The following LIPA variants were observed in gnomAD, a reference collection of about 807,000 sequenced individuals.
LIPA encodes the protein lipase A, lysosomal acid type.
In LIPA, 26 loss-of-function variants were observed where a neutral mutation model predicts 40.6. The ratio of observed to expected loss-of-function variants is 0.64; its 90% CI spans 0.47 to 0.89. LIPA has a LOEUF of 0.89. Among genes scored for constraint, LIPA ranks in the 40% least tolerant of loss-of-function variants. LIPA has a pLI of 0.00. For synonymous variants in LIPA, 188 were observed against 168.4 expected, an observed-to-expected ratio of 1.12 and a Z score of -0.90; for missense variants, 455 against 479.6, an observed-to-expected ratio of 0.95 and a Z score of 0.48.
intron 2 of LIPA, 36 bp downstream of exon 2, chr10:89,247,502 A>T: frequency 8.0e-7 from 1 of 1,243,984 alleles, no homozygotes. Flanking sequence ...GGGGAAATAG[A>T]TGCATTTTAA....
chr10:89,353,809 C>T (rs904116432), intron 2 of LIPA, among the ~76,000 whole-genome samples: 9 of 152,016 alleles, frequency 5.9e-5, no homozygotes, highest in South Asian at 2.1e-4. Flanking sequence ...GGTGTGGCAG[C>T]GTGCACCTGT....
chr10:89,227,498 G>A (rs914816144), intron 4 of LIPA, among the ~76,000 whole-genome samples: 1 of 152,204 alleles, frequency 6.6e-6, no homozygotes, highest in Non-Finnish European at 1.5e-5. Flanking sequence ...CCTTAGAGGT[G>A]CCTCTGGTTT....
intron 1 of LIPA, among the ~76,000 whole-genome samples, chr10:89,317,192 G>C (rs78498954): frequency 4.6e-5 from 7 of 152,242 alleles, no homozygotes; most frequent in Non-Finnish European, 7.3e-5. Flanking sequence ...GCCAGCAATG[G>C]AACAAAGCTG....
intron 2 of LIPA, among the ~76,000 whole-genome samples, chr10:89,366,567 T>A (rs1014593399): frequency 6.6e-6 from 1 of 152,122 alleles, no homozygotes; most frequent in African/African-American, 2.4e-5. Flanking sequence ...AACAGACACA[T>A]GAAAAAATGC....
At chr10:89,306,435 G>A (rs1169308431) in intron 1 of LIPA, 7 of 1,614,134 alleles carry the variant, frequency 4.3e-6, no homozygotes, top group Non-Finnish European at 4.2e-6. Context: ...GCGAAGGTGT[G>A]CTTTGAGAAG....
intron 1 of LIPA, among the ~76,000 whole-genome samples, chr10:89,286,677 C>T (rs1235534048): frequency 2.6e-5 from 4 of 152,120 alleles, no homozygotes; most frequent in South Asian, 2.1e-4. Context: ...GTCAAAAGGC[C>T]GTCTTATTCT....
At chr10:89,312,360 G>A (rs1843521185) in intron 1 of LIPA, among the ~76,000 whole-genome samples, 1 of 152,104 alleles carries the variant, frequency 6.6e-6, no homozygotes, top group Non-Finnish European at 1.5e-5. Flanking sequence ...AGGAACACTT[G>A]AGCCCAGGAG....
chr10:89,372,271 C>G (rs12220755), intron 2 of LIPA, among the ~76,000 whole-genome samples: 5 of 152,216 alleles, frequency 3.3e-5, no homozygotes, highest in African/African-American at 1.2e-4. Flanking sequence ...TCATTGCACA[C>G]TGCAAGAGTA....
chr10:89,227,667 A>AG (rs1842787238), intron 4 of LIPA, among the ~76,000 whole-genome samples: 1 of 152,218 alleles, frequency 6.6e-6, no homozygotes, highest in South Asian at 2.1e-4. Context: ...AGTTCATACA[A>AG]GGTGCCAGGT....
chr10:89,233,990 C>G lies in LIPA; in HGVS notation c.230-5592G>C, dbSNP rs114494355. On this transcript the variant is annotated intron_variant, in intron 3 of 9. Transcript: ENST00000336233. ...TCCCTCCCACAGGGAGCTCCATCCTCGAGGGAGTCAGACACACGATGACTG... is the reference window on the plus strand; with the variant it reads ...TCCCTCCCACAGGGAGCTCCATCCTGGAGGGAGTCAGACACACGATGACTG... Among the ~76,000 whole-genome samples, 503 of 152,278 alleles carry G rather than the reference C, an allele frequency of 3.3e-3. 3 individuals are homozygous for G. The highest frequency in any genetic ancestry group is 0.012 in the African/African-American group (488 of 41,540).
Position 89,308,324 on chromosome 10 carries a change from T to A in LIPA, c.-2+34287A>T, listed in dbSNP as rs1442544167. ...ATTTTAGCCACTATTAGGAATTTTT[T>A]TTTTTTGTAAAATGAAGACTGAACT... On this transcript the variant is annotated intron_variant, in intron 1 of 5. Coordinates refer to the LIPA transcript ENST00000282673. 3 of 152,212 alleles carry A rather than the reference T, an allele frequency of 2.0e-5. No homozygotes were observed. In the South Asian group the frequency reaches 6.2e-4, roughly 32 times the overall value. The allele number at this position is 152,212 out of a possible 1,614,324, so 9.4% of individuals were successfully genotyped here.
chr10:89,285,307 A>G (rs1214829790), intron 1 of LIPA: 2 of 152,240 alleles, frequency 1.3e-5, no homozygotes, highest in African/African-American at 4.8e-5. Context: ...CTCTCTCACT[A>G]TCCCTCAACC....
chr10:89,319,544 A>G (rs1044418581), intron 1 of LIPA, among the ~76,000 whole-genome samples: 1 of 152,236 alleles, frequency 6.6e-6, no homozygotes, highest in Non-Finnish European at 1.5e-5. Context: ...GACCAATAAC[A>G]GGGTCTGAAA....
At chr10:89,366,064 T>G (rs1844054603) in intron 2 of LIPA, among the ~76,000 whole-genome samples, 1 of 152,242 alleles carries the variant, frequency 6.6e-6, no homozygotes, top group Non-Finnish European at 1.5e-5. Flanking sequence ...TTCACGATAT[T>G]GATTCTTCCT....
chr10:89,301,966 T>A, intron 1 of LIPA: 1 of 594,502 alleles, frequency 1.7e-6, no homozygotes, highest in Non-Finnish European at 2.9e-6. Context: ...CTTTCCCTTT[T>A]GTAACGTCAG....
At chr10:89,265,287 G>A (rs529200240) in intron 1 of LIPA, among the ~76,000 whole-genome samples, 4 of 152,226 alleles carry the variant, frequency 2.6e-5, no homozygotes, top group Non-Finnish European at 4.4e-5. Context: ...CTACAGCTGG[G>A]CAGCTGTAGC....
At chr10:89,331,151 T>G (rs1415821441) in intron 1 of LIPA, among the ~76,000 whole-genome samples, 1 of 152,080 alleles carries the variant, frequency 6.6e-6, no homozygotes, top group African/African-American at 2.4e-5. Flanking sequence ...TGACAACTTC[T>G]CTTGTTGTTG....
chr10:89,237,893 G>A (rs1016111516), intron 3 of LIPA, among the ~76,000 whole-genome samples: 1 of 152,082 alleles, frequency 6.6e-6, no homozygotes, highest in African/African-American at 2.4e-5. Context: ...TAAATCAGGA[G>A]GTCATAAGGA....
chr10:89,368,745 C>T (rs1190685532), intron 2 of LIPA, among the ~76,000 whole-genome samples: 3 of 152,100 alleles, frequency 2.0e-5, no homozygotes, highest in African/African-American at 7.2e-5. Context: ...ACTTTTCCTG[C>T]TCTGGCCCTG....
Sources: allele counts gnomAD v4.1 joint callset (sites outside exome capture counted in the v4.1 genomes callset), GRCh38; gene constraint gnomAD v4.1.1; transcripts MANE v1.5; gene names NCBI Gene and HGNC (gene_info 2026-07-23, HGNC 2026-07-21).